Variants in CHD8 observed in about 807,000 individuals in gnomAD.
CHD8 encodes ATP-dependent chromatin remodeler CHD8.
In CHD8, 31 loss-of-function variants were observed where a neutral mutation model predicts 279.2. That is an observed-to-expected ratio of 0.11 (90% CI 0.08 to 0.15). The LOEUF is 0.15. CHD8 is among the 10% of genes least tolerant of loss of function. The pLI is 1.00. For missense variants in CHD8, 2,146 were observed against 3,230.5 expected (o/e 0.66, Z 8.14); for synonymous variants, 1,081 against 1,139.6 (o/e 0.95, Z 1.04).
rs750267211 is a variant in CHD8, at chr14:21,426,094, T to G, written c.1716+34A>C. The G allele has an allele frequency of 5.4e-6, 7 of 1,284,730 alleles. No individual in the cohort carries two copies. The African/African-American group carries it at 8.8e-5, about 16-fold the overall frequency. 79.6% of individuals were successfully genotyped at this position (1,284,730 alleles called of 1,614,324 possible). A position where few individuals can be genotyped will look rare whatever the true frequency, so the allele number is the denominator to read the frequency against. ...CTTGGTTAGCCATAATTAAACATGG[T>G]TTTTTCTACTAAATTCTTTTGGGAT... On this transcript the variant is annotated intron_variant, in intron 5 of 37. Transcript: ENST00000646647.
intron 1 of CHD8, among the ~76,000 whole-genome samples, chr14:21,438,115 T>C (rs1182011068): frequency 2.0e-5 from 3 of 152,098 alleles, no homozygotes; most frequent in South Asian, 2.1e-4. Context: ...GGCTGGAGTG[T>C]AGTGGCGCAA....
intron 5 of CHD8, 164 bp from the exon 6 acceptor site, chr14:21,416,071 C>T: frequency 1.6e-6 from 1 of 633,960 alleles, no homozygotes; most frequent in Non-Finnish European, 2.8e-6. Context: ...TGTGATTATG[C>T]TATGTACTGA....
chr14:21,417,861 AAAAAATATATATATATATAT>A (rs1283014281), intron 5 of CHD8, among the ~76,000 whole-genome samples: 1 of 139,446 alleles, frequency 7.2e-6, no homozygotes, highest in Non-Finnish European at 1.5e-5. Context: ...CAAAAAAAAA[AAAAAATATATATATATATAT>A]AATATATATA....
chr14:21,399,914 A>C, intron 25 of CHD8, 67 bp downstream of exon 25: 2 of 1,344,762 alleles, frequency 1.5e-6, no homozygotes, highest in South Asian at 2.3e-5. Context: ...CATAAAATGA[A>C]ATAAGCAAAC....
intron 1 of CHD8, among the ~76,000 whole-genome samples, chr14:21,440,671 G>C (rs1395071397): frequency 6.6e-6 from 1 of 152,218 alleles, no homozygotes; most frequent in Non-Finnish European, 1.5e-5. Context: ...TAGTTCTGTA[G>C]TTCAGCCTTG....
At chr14:21,417,027 G>T (rs536508040) in intron 5 of CHD8, among the ~76,000 whole-genome samples, 2 of 152,192 alleles carry the variant, frequency 1.3e-5, no homozygotes, top group South Asian at 2.1e-4. Flanking sequence ...TTGAACCCGG[G>T]GGGTGGAGGT....
In CHD8 at chr14:21,429,155, G is replaced by A. The variant is rs1216837563; in HGVS notation, c.1024C>T (p.Leu342=). The change falls in exon 3 of 38, where the codon CTG becomes TTG. Residue 342 remains leucine (L), a synonymous_variant. Coordinates refer to ENST00000646647, the MANE Select transcript of CHD8 (RefSeq NM_001170629.2). ...TTTTGCTGTGGCTGCTGCACCTGCA[G>A]CTGGATAGTTACTACCTTGGCAGGC... The part of the protein sequence containing the change: ...GQPAKVVTIQ[L]QVQQPQQKIQ... 2 of 1,613,910 alleles carry A rather than the reference G, an allele frequency of 1.2e-6. No homozygotes were observed. Among genetic ancestry groups the A allele is most frequent in the Non-Finnish European group, 1.7e-6 (2 of 1,179,908 alleles).
At chr14:21,439,861 C>A (rs1307949829) in intron 1 of CHD8, among the ~76,000 whole-genome samples, 1 of 152,204 alleles carries the variant, frequency 6.6e-6, no homozygotes, top group Non-Finnish European at 1.5e-5. Context: ...TTGCTGCCTT[C>A]AAATTATACA....
chr14:21,398,855 A>C, intron 26 of CHD8: 1 of 241,926 alleles, frequency 4.1e-6, no homozygotes, highest in Non-Finnish European at 8.4e-6. Context: ...ATTTAGACAA[A>C]TGGGACATGT....
intron 26 of CHD8, chr14:21,399,109 A>G (rs921484394): frequency 1.3e-5 from 4 of 300,182 alleles, no homozygotes; most frequent in Middle Eastern, 1.2e-3. Flanking sequence ...TGTAACATCC[A>G]GAAAGAGTCC....
chr14:21,396,010 ATTT>A, intron 27 of CHD8, 118 bp from the exon 28 acceptor site: 1 of 740,014 alleles, frequency 1.4e-6, no homozygotes, highest in Non-Finnish European at 2.3e-6. Context: ...TATTAGTATT[ATTT>A]TTGAGACAGG....
rs1887957136 is a variant in CHD8, at chr14:21,399,930, T to G, written c.4817+51A>C. 7.7e-6 allele frequency: 11 copies of G among 1,426,574 alleles called. No homozygotes were observed. In the South Asian group the frequency reaches 1.3e-4, roughly 16 times the overall value. 88.4% of individuals were successfully genotyped at this position (1,426,574 alleles called of 1,614,324 possible). A position where few individuals can be genotyped will look rare whatever the true frequency, so the allele number is the denominator to read the frequency against. ...ATAAAATGAAATAAGCAAACCAATC[T>G]TCCCTCAAATAAGGTAGGGCATAAA... On this transcript the variant is annotated intron_variant, in intron 25 of 37. Transcript: ENST00000646647.
rs577177637 is a variant in CHD8 at position 21,385,583 on chromosome 14, C to T, written c.*30G>A. 2.6e-5 allele frequency: 40 copies of T among 1,534,800 alleles called. No individual in the cohort carries two copies. The highest frequency in any genetic ancestry group is 1.5e-4 in the East Asian group (6 of 40,808). On this transcript the variant is annotated 3_prime_UTR_variant, in exon 38 of 38. Coordinates refer to ENST00000646647, the MANE Select transcript of CHD8 (RefSeq NM_001170629.2). ...CCAGAGTAAATGAAAATACAGCAGC[C>T]GCCCAAGCAATGGGGCCCATGCTGG...
intron 1 of CHD8, among the ~76,000 whole-genome samples, chr14:21,451,309 C>A (rs1040457094): frequency 1.1e-4 from 16 of 152,056 alleles, no homozygotes; most frequent in African/African-American, 3.1e-4. Context: ...GTAGCTCACA[C>A]CTGTAATCCC....
chr14:21,436,853 G>T, intron 1 of CHD8: 1 of 744,816 alleles, frequency 1.3e-6, no homozygotes, highest in Non-Finnish European at 2.0e-6. Flanking sequence ...GGTTGATGGA[G>T]AGGAAAACGC....
chr14:21,386,434 T>C (rs772520582), intron 37 of CHD8: 9 of 531,416 alleles, frequency 1.7e-5, no homozygotes, highest in Non-Finnish European at 2.7e-5. Flanking sequence ...TTTTTGCTTC[T>C]TTTCCCCATG....
At position 21,399,729 on chromosome 14, in the gene CHD8, C is replaced by T. The variant is rs376168181; in HGVS notation, c.4818-24G>A. ...CACTAAAGGTATAAGAGGGCAGAGT[C>T]AGCACAGAAATGCAGGAAATTAAAG... On this transcript the variant is annotated intron_variant, in intron 25 of 37. Transcript: ENST00000646647. 4 of 1,479,792 alleles carry T rather than the reference C, an allele frequency of 2.7e-6. No individual in the cohort carries two copies. The African/African-American group carries it at 4.2e-5, about 15-fold the overall frequency. 91.7% of individuals were successfully genotyped at this position (1,479,792 alleles called of 1,614,324 possible).
intron 26 of CHD8, chr14:21,399,185 GA>G (rs1887925396): frequency 3.5e-6 from 1 of 285,592 alleles, no homozygotes; most frequent in Non-Finnish European, 7.0e-6. Context: ...TACTCACCCA[GA>G]AATACAACTG....
rs761662071 is a variant in CHD8, at chr14:21,430,958, G to A, written c.686C>T (p.Pro229Leu). 1.9e-6 allele frequency: 3 copies of A among 1,599,552 alleles called. No homozygotes were observed. Among genetic ancestry groups the A allele is most frequent in the Non-Finnish European group, 2.5e-6 (3 of 1,179,816 alleles). Residue 229 changes from proline to leucine, a missense_variant, in exon 2 of 38, where the codon CCT becomes CTT. Physicochemically the swap from Pro to Leu is moderately conservative, Grantham distance 98 (BLOSUM62 -3). This residue lies in a region of CHD8 where 302 missense variants were observed against 325.5 expected (regional missense o/e 0.93). Coordinates refer to ENST00000646647, the MANE Select transcript of CHD8 (RefSeq NM_001170629.2). ...SGNTVLAAKV[P>L]GNQAAVQRIV... Reference sequence around the variant, plus strand: ...GCGCTGAACAGCAGCCTGGTTCCCAGGGACCTTGGCGGCCAACACTGTATT... The same window carrying A: ...GCGCTGAACAGCAGCCTGGTTCCCAAGGACCTTGGCGGCCAACACTGTATT...
Sources: gnomAD v4.1 joint callset for allele counts (sites outside exome capture counted in the v4.1 genomes callset) on GRCh38, gnomAD v4.1.1 for gene constraint, gnomAD v4.1.1 regional missense constraint, MANE v1.5 for transcripts, NCBI Gene and HGNC (gene_info 2026-07-23, HGNC 2026-07-21) for gene names.